Variants in MPDZ observed in about 807,000 individuals in gnomAD.
The protein encoded by MPDZ is multiple PDZ domain crumbs cell polarity complex component.
MPDZ carries 234 observed loss-of-function variants against 239.1 expected under a neutral mutation model. That is an observed-to-expected ratio of 0.98 (90% CI 0.88 to 1.09). MPDZ has a LOEUF of 1.09. Ranked by LOEUF, MPDZ falls within the 50% of genes least tolerant of loss-of-function variation. The pLI, the probability that MPDZ is intolerant of heterozygous loss-of-function variation, is 0.00. For missense variants in MPDZ, 3,175 were observed against 2,510.0 expected (o/e 1.26, Z -5.66); for synonymous variants, 1,048 against 881.3 (o/e 1.19, Z -3.35).
At position 13,219,507 on chromosome 9, in the gene MPDZ, C is replaced by G. The variant is rs1223482166; in HGVS notation, c.1086+52G>C. 3.3e-6 allele frequency: 5 copies of G among 1,497,138 alleles called. No individual in the cohort carries two copies. The East Asian group carries it at 9.2e-5, about 28-fold the overall frequency. 92.7% of individuals were successfully genotyped at this position (1,497,138 alleles called of 1,614,324 possible). ...GTTTCTAAGTAAACATCACTGTCGT[C>G]ATCTAAGTGTTATTTCTCTGACTTT... On this transcript the variant is annotated intron_variant, in intron 8 of 46. Transcript: ENST00000319217.
At chr9:13,267,040 C>T (rs1015618375) in intron 1 of MPDZ, among the ~76,000 whole-genome samples, 1 of 152,300 alleles carries the variant, frequency 6.6e-6, no homozygotes, top group East Asian at 1.9e-4. Context: ...ATATTCATCA[C>T]TGGAATGTCT....
intron 35 of MPDZ, among the ~76,000 whole-genome samples, chr9:13,124,574 A>C (rs1016564704): frequency 6.6e-6 from 1 of 152,186 alleles, no homozygotes; most frequent in Non-Finnish European, 1.5e-5. Flanking sequence ...CAAAGGAATA[A>C]TGTACCTCCA....
Position 13,190,103 on chromosome 9 carries a change from T to A in MPDZ, c.2154+11A>T. 1 of 1,607,058 alleles carries A rather than the reference T, an allele frequency of 6.2e-7. No homozygotes were observed. The highest frequency in any genetic ancestry group is 8.5e-7 in the Non-Finnish European group (1 of 1,176,218). ...GGCCTTTAAAAATTGTTAAAAGTAG[T>A]ATATACTTACCTGATAATCTAAAAT... On this transcript the variant is annotated intron_variant, in intron 16 of 46. Coordinates refer to ENST00000319217, the MANE Select transcript of MPDZ (RefSeq NM_001378778.1).
At chr9:13,191,907 A>C (rs1954981138) in intron 15 of MPDZ, among the ~76,000 whole-genome samples, 1 of 152,128 alleles carries the variant, frequency 6.6e-6, no homozygotes, top group African/African-American at 2.4e-5. Context: ...CATTTTACCA[A>C]GGAGAAAACT....
At chr9:13,134,113 A>T in intron 31 of MPDZ, 1 of 219,426 alleles carries the variant, frequency 4.6e-6, no homozygotes, top group Non-Finnish European at 8.6e-6. Flanking sequence ...ATTTATGAAC[A>T]TTACATTCTC....
intron 1 of MPDZ, among the ~76,000 whole-genome samples, chr9:13,270,168 G>C (rs1972640181): frequency 6.6e-6 from 1 of 152,122 alleles, no homozygotes; most frequent in African/African-American, 2.4e-5. Context: ...GCACTCAAAA[G>C]ACTAAACATT....
At chr9:13,166,308 G>A (rs577457402) in intron 22 of MPDZ, among the ~76,000 whole-genome samples, 3 of 152,184 alleles carry the variant, frequency 2.0e-5, no homozygotes, top group East Asian at 3.9e-4. Context: ...AAGTGGTAAG[G>A]GCCAAAAACA....
At chr9:13,275,004 A>G (rs1209562986) in intron 1 of MPDZ, among the ~76,000 whole-genome samples, 1 of 152,242 alleles carries the variant, frequency 6.6e-6, no homozygotes, top group Non-Finnish European at 1.5e-5. Flanking sequence ...GAGAAAGAAA[A>G]TAAGTGGCCT....
rs370475214 is a variant in MPDZ, at chr9:13,221,657, CCCTTT to C, written c.748-162_748-158del. Among the ~76,000 whole-genome samples the C allele has an allele frequency of 2.7e-3, 405 of 152,052 alleles. 3 individuals carry two copies. Among genetic ancestry groups the C allele is most frequent in the African/African-American group, 9.5e-3 (393 of 41,516 alleles). ...AATGTCCCTTTCATTTGGTATACTT[CCCTTT>C]CAACAGAATGTAAGTGCCATTGACA... On this transcript the variant is annotated intron_variant, in intron 6 of 46. Coordinates refer to ENST00000319217, the MANE Select transcript of MPDZ (RefSeq NM_001378778.1).
intron 32 of MPDZ, among the ~76,000 whole-genome samples, chr9:13,130,177 A>G (rs1945753965): frequency 6.6e-6 from 1 of 152,162 alleles, no homozygotes; most frequent in Non-Finnish European, 1.5e-5. Flanking sequence ...TTGAATTTGC[A>G]TTTCAGTCAG....
At chr9:13,239,416 T>G (rs1192272131) in intron 3 of MPDZ, among the ~76,000 whole-genome samples, 1 of 152,190 alleles carries the variant, frequency 6.6e-6, no homozygotes, top group Admixed American at 6.5e-5. Context: ...CTTTATAGTA[T>G]TGTTGTAATG....
chr9:13,112,198 C>A lies in MPDZ; in HGVS notation c.5602-52G>T, dbSNP rs904714752. 12 of 1,533,434 alleles carry A rather than the reference C, an allele frequency of 7.8e-6. No homozygotes were observed. In the Admixed American group the frequency reaches 1.5e-4, roughly 19 times the overall value. The allele number at this position is 1,533,434 out of a possible 1,614,324, so 95.0% of individuals were successfully genotyped here. ...GGTCAAAGTGATATTTTTCATTGACCTTTTGTTTATTCTTTGGCATGATAT... is the reference window on the plus strand; with the variant it reads ...GGTCAAAGTGATATTTTTCATTGACATTTTGTTTATTCTTTGGCATGATAT... On this transcript the variant is annotated intron_variant, in intron 42 of 46. Transcript: ENST00000319217.
chr9:13,160,830 T>TTATATATATATATA (rs58374268), intron 23 of MPDZ, among the ~76,000 whole-genome samples: 648 of 37,864 alleles, frequency 0.017, 51 homozygotes, highest in East Asian at 0.028. Flanking sequence ...ATTATTAAAA[T>TTATATATATATATA]TATATATATA....
chr9:13,275,395 G>A (rs1001104537), intron 1 of MPDZ, among the ~76,000 whole-genome samples: 17 of 152,158 alleles, frequency 1.1e-4, no homozygotes, highest in Non-Finnish European at 1.9e-4. Flanking sequence ...GCCAAAGAGC[G>A]AGGCTTGGTA....
intron 5 of MPDZ, 132 bp from the exon 6 acceptor site, chr9:13,222,578 T>C: frequency 1.4e-6 from 1 of 715,980 alleles, no homozygotes; most frequent in East Asian, 2.6e-5. Context: ...TTTCCTGCAG[T>C]TCTACTTTAA....
chr9:13,229,284 C>T (rs79349125), intron 3 of MPDZ, among the ~76,000 whole-genome samples: 1,864 of 152,084 alleles, frequency 0.012, 22 homozygotes, highest in Middle Eastern at 0.051. Flanking sequence ...CAGTATCCAG[C>T]CCACATTAAA....
At position 13,106,226 on chromosome 9, in the gene MPDZ, A is replaced by G. The variant is rs1941451180; in HGVS notation, c.*739T>C. On this transcript the variant is annotated 3_prime_UTR_variant, in exon 47 of 47. Transcript: ENST00000319217. ...ATAGTCAACATGGGGTGGCATCATC[A>G]TTTACTTATAGCAACATGAAAATAT... 6.6e-6 allele frequency: 1 copy of G among 152,184 alleles called. No homozygotes were observed. The highest frequency in any genetic ancestry group is 2.4e-5 in the African/African-American group (1 of 41,452). The allele number at this position is 152,184 out of a possible 1,614,324, so 9.4% of individuals were successfully genotyped here.
At chr9:13,264,405 G>C (rs756118430) in intron 1 of MPDZ, among the ~76,000 whole-genome samples, 2 of 151,736 alleles carry the variant, frequency 1.3e-5, no homozygotes, top group Non-Finnish European at 2.9e-5. Flanking sequence ...GCTTACGCTC[G>C]ACTATAAAGT....
At chr9:13,259,311 G>A (rs1970134833) in intron 1 of MPDZ, among the ~76,000 whole-genome samples, 1 of 151,820 alleles carries the variant, frequency 6.6e-6, no homozygotes, top group South Asian at 2.1e-4. Flanking sequence ...TCCAGCCTGG[G>A]CAACAGAGCA....
Sources: allele counts gnomAD v4.1 joint callset (sites outside exome capture counted in the v4.1 genomes callset), GRCh38; gene constraint gnomAD v4.1.1; transcripts MANE v1.5; gene names NCBI Gene and HGNC (gene_info 2026-07-23, HGNC 2026-07-21).